The following NXPE2 variants were observed in gnomAD, a reference collection of about 807,000 sequenced individuals.
The protein encoded by NXPE2 is neurexophilin and PC-esterase domain family member 2.
NXPE2 carries 34 observed loss-of-function variants against 34.4 expected under a neutral mutation model. The ratio of observed to expected loss-of-function variants is 0.99; its 90% CI spans 0.75 to 1.31. NXPE2 has a LOEUF of 1.31. Among genes scored for constraint, NXPE2 ranks in the 40% most tolerant of loss-of-function variants. The pLI, the probability that NXPE2 is intolerant of heterozygous loss-of-function variation, is 0.00. For synonymous variants in NXPE2, 235 were observed against 231.3 expected (o/e 1.02, Z -0.15); for missense variants, 649 against 672.5 (o/e 0.97, Z 0.39).
the NXPE2 span, among the ~76,000 whole-genome samples, chr11:114,557,634 CATATATATATATATAT>C: frequency 0.059 from 7,591 of 128,412 alleles, 309 homozygotes; most frequent in African/African-American, 0.097. Context: ...ATATATAATA[CATATATATATATATAT>C]ATATATATAT....
the NXPE2 span, among the ~76,000 whole-genome samples, chr11:114,500,493 G>GT: frequency 6.6e-6 from 1 of 151,990 alleles, no homozygotes; most frequent in Non-Finnish European, 1.5e-5. Context: ...TATTTGAGTT[G>GT]TAAGTGTTCT....
the NXPE2 span, among the ~76,000 whole-genome samples, chr11:114,590,241 CTT>C: frequency 5.9e-5 from 9 of 152,298 alleles, no homozygotes; most frequent in East Asian, 1.9e-4. Context: ...CACTGAAACT[CTT>C]TTTAATTTCT....
chr11:114,639,906 TAA>T, the NXPE2 span, among the ~76,000 whole-genome samples: 1 of 117,036 alleles, frequency 8.5e-6, no homozygotes, highest in Non-Finnish European at 1.6e-5. Context: ...ATATTAAATA[TAA>T]AATATAATAT....
chr11:114,591,669 C>T, the NXPE2 span, among the ~76,000 whole-genome samples: 3 of 152,130 alleles, frequency 2.0e-5, no homozygotes, highest in East Asian at 5.8e-4. Context: ...GCTGTACTTT[C>T]CAGCCTCCAG....
At chr11:114,488,957 G>A in the NXPE2 span, among the ~76,000 whole-genome samples, 14 of 151,694 alleles carry the variant, frequency 9.2e-5, no homozygotes, top group South Asian at 6.3e-4. Context: ...TTGATAGACC[G>A]CTAGCAAGAC....
the NXPE2 span, among the ~76,000 whole-genome samples, chr11:114,552,386 C>T: frequency 6.6e-6 from 1 of 152,092 alleles, no homozygotes; most frequent in Non-Finnish European, 1.5e-5. Flanking sequence ...TTCCAAAAGA[C>T]TGTCAATTTC....
At chr11:114,529,187 A>G in the NXPE2 span, 22 of 185,304 alleles carry the variant, frequency 1.2e-4, no homozygotes, top group Admixed American at 8.0e-4. Context: ...GCTGAGGAAA[A>G]ATAAATCTTC....
the NXPE2 span, among the ~76,000 whole-genome samples, chr11:114,625,383 A>T: frequency 1.9e-3 from 283 of 152,208 alleles, 7 homozygotes; most frequent in East Asian, 0.048. Context: ...AACCACTGTT[A>T]CCCAGTGGAT....
chr11:114,560,278 T>C, the NXPE2 span, among the ~76,000 whole-genome samples: 1 of 150,724 alleles, frequency 6.6e-6, no homozygotes, highest in Non-Finnish European at 1.5e-5. Context: ...TTTTTCTTTT[T>C]TTTTTTTTTT....
chr11:114,607,740 G>T, the NXPE2 span, among the ~76,000 whole-genome samples: 155 of 143,172 alleles, frequency 1.1e-3, 1 homozygote, highest in Admixed American at 8.7e-3. Context: ...AACCACAGTT[G>T]CCCGGTGGAT....
chr11:114,576,672 T>C, the NXPE2 span, among the ~76,000 whole-genome samples: 2 of 151,754 alleles, frequency 1.3e-5, no homozygotes, highest in African/African-American at 2.4e-5. Flanking sequence ...AGAAAGGCCA[T>C]ATTCAAAAAA....
At chr11:114,578,367 G>A in the NXPE2 span, among the ~76,000 whole-genome samples, 1 of 152,146 alleles carries the variant, frequency 6.6e-6, no homozygotes, top group South Asian at 2.1e-4. Flanking sequence ...AAGATGAGTC[G>A]AAGAGGGTAG....
the NXPE2 span, among the ~76,000 whole-genome samples, chr11:114,562,819 C>CG: frequency 1.3e-5 from 2 of 152,314 alleles, no homozygotes; most frequent in South Asian, 4.1e-4. Flanking sequence ...AAGCTTCTCT[C>CG]TAAGCCTGTA....
chr11:114,528,148 G>A, the NXPE2 span, among the ~76,000 whole-genome samples: 2 of 152,170 alleles, frequency 1.3e-5, no homozygotes, highest in East Asian at 1.9e-4. Context: ...AGTGTGTCCT[G>A]GAATTTTAGA....
At chr11:114,788,386 C>A in the NXPE2 span, among the ~76,000 whole-genome samples, 1 of 152,298 alleles carries the variant, frequency 6.6e-6, no homozygotes, top group African/African-American at 2.4e-5. Context: ...GGCCTGGGAC[C>A]ATTGCAGACA....
the NXPE2 span, chr11:114,530,289 T>G: frequency 6.2e-7 from 1 of 1,614,226 alleles, no homozygotes; most frequent in East Asian, 2.2e-5. Flanking sequence ...ATAGAAGGCT[T>G]CTTGGTCTCT....
chr11:114,511,677 T>C, the NXPE2 span, among the ~76,000 whole-genome samples: 2 of 152,186 alleles, frequency 1.3e-5, no homozygotes, highest in Non-Finnish European at 2.9e-5. Context: ...TGATCCCCAA[T>C]GTTGGAGGTG....
the NXPE2 span, among the ~76,000 whole-genome samples, chr11:114,784,870 G>A: frequency 0.069 from 10,492 of 152,098 alleles, 408 homozygotes; most frequent in Non-Finnish European, 0.078. Flanking sequence ...CTTTTATTTC[G>A]TGCAACAGAG....
the NXPE2 span, chr11:114,594,611 G>C: frequency 8.7e-7 from 1 of 1,145,636 alleles, no homozygotes; most frequent in Non-Finnish European, 1.3e-6. Flanking sequence ...GAACAGATGA[G>C]GTAATAAGCA....
Sources: gnomAD v4.1 joint callset for allele counts (sites outside exome capture counted in the v4.1 genomes callset) on GRCh38, gnomAD v4.1.1 for gene constraint, MANE v1.5 for transcripts, NCBI Gene and HGNC (gene_info 2026-07-23, HGNC 2026-07-21) for gene names.